Variants in ANKRD11 observed in about 807,000 individuals in gnomAD.
ANKRD11 encodes the protein ankyrin repeat domain 11.
ANKRD11 carries 17 observed loss-of-function variants against 195.7 expected under a neutral mutation model. The ratio of observed to expected loss-of-function variants is 0.09; its 90% CI spans 0.06 to 0.13. The LOEUF is 0.13. Ranked by LOEUF, ANKRD11 falls within the 10% of genes least tolerant of loss-of-function variation. The pLI, the probability that ANKRD11 is intolerant of heterozygous loss-of-function variation, is 1.00. For synonymous variants in ANKRD11, 1,953 were observed against 1,528.1 expected (o/e 1.28, Z -6.49); for missense variants, 3,735 against 3,566.1 (o/e 1.05, Z -1.21).
intron 4 of ANKRD11, among the ~76,000 whole-genome samples, chr16:89,292,732 G>A (rs1247681674): frequency 6.6e-6 from 1 of 152,228 alleles, no homozygotes; most frequent in Admixed American, 6.5e-5. Context: ...CATAGAACCT[G>A]GCAAACACGG....
At chr16:89,419,772 G>A (rs1478047569) in intron 1 of ANKRD11, among the ~76,000 whole-genome samples, 1 of 150,606 alleles carries the variant, frequency 6.6e-6, no homozygotes, top group Non-Finnish European at 1.5e-5. Flanking sequence ...TTGCAAAGAT[G>A]GAGTGAGGTT....
rs1337062402 is a variant in ANKRD11 at position 89,283,469 on chromosome 16, G to T, written c.3073C>A (p.Pro1025Thr). The change falls in exon 9 of 13, where the codon CCA becomes ACA. Residue 1025 changes from proline (P) to threonine (T), a missense_variant. Physicochemically the swap from Pro to Thr is conservative, Grantham distance 38. Coordinates refer to ENST00000301030, the MANE Select transcript of ANKRD11 (RefSeq NM_013275.6). This position sits in a 1 kb window ranked among gnomAD's most constrained non-coding sequence, Gnocchi z 4.3. ...CTGGATTTCTCTTTGTATCTTTCTG[G>T]TTTTGTCTTCTCCTTCCTTTCCTTA... ...PDKERKEKTK[P>T]ERYKEKSSDK... 6.2e-7 allele frequency: 1 copy of T among 1,613,860 alleles called. No individual in the cohort carries two copies. The highest frequency in any genetic ancestry group is 1.3e-5 in the African/African-American group (1 of 74,874).
Position 89,280,490 on chromosome 16 carries a change from GGGCGGGGT to G in ANKRD11, c.6044_6051del (p.Tyr2015SerfsTer14). ...GCGTACGGGGCAGGAGAGGCGGGAG[GGGCGGGGT>G]ACGGCGCCTCCGAGGCGCTGAAGGG... On this transcript the variant is annotated frameshift_variant, in exon 9 of 13. Coordinates refer to ENST00000301030, the MANE Select transcript of ANKRD11 (RefSeq NM_013275.6). LOFTEE classifies it high-confidence loss of function. The G allele has an allele frequency of 6.3e-7, 1 of 1,587,094 alleles. No individual in the cohort carries two copies. The highest frequency in any genetic ancestry group is 1.1e-5 in the South Asian group (1 of 89,098).
chr16:89,413,165 A>C (rs1268112527), intron 2 of ANKRD11, among the ~76,000 whole-genome samples: 1 of 152,250 alleles, frequency 6.6e-6, no homozygotes, highest in African/African-American at 2.4e-5. Flanking sequence ...AAGTTACTGC[A>C]GTTTAAAGAT....
intron 2 of ANKRD11, among the ~76,000 whole-genome samples, chr16:89,403,183 C>T (rs1470676300): frequency 6.6e-6 from 1 of 152,168 alleles, no homozygotes; most frequent in Non-Finnish European, 1.5e-5. Flanking sequence ...GCAGGTGGAC[C>T]CCGCACTCCC....
rs761636251 is a variant in ANKRD11 at position 89,286,064 on chromosome 16, G to A, written c.867C>T (p.Tyr289=). ...CCGTCGAGCTCTCCTCGCTGGAAGTGTAAGTGCCTTTGCCTAACAGGAGGT... is the reference window on the plus strand; with the variant it reads ...CCGTCGAGCTCTCCTCGCTGGAAGTATAAGTGCCTTTGCCTAACAGGAGGT... ...MVNLLLGKGT[Y]TSSEESSTES... is the part of the protein sequence containing the mutation. The change falls in exon 8 of 13, where the codon TAC becomes TAT. Residue 289 remains tyrosine, a synonymous_variant. Transcript: ENST00000301030. 8.7e-6 allele frequency: 14 copies of A among 1,614,124 alleles called. No individual in the cohort carries two copies. Among genetic ancestry groups the A allele is most frequent in the Non-Finnish European group, 1.1e-5 (13 of 1,180,054 alleles).
chr16:89,381,495 T>C (rs970748788), intron 2 of ANKRD11, among the ~76,000 whole-genome samples: 1 of 152,116 alleles, frequency 6.6e-6, no homozygotes, highest in Non-Finnish European at 1.5e-5. Context: ...CATTAAATCA[T>C]CAATAAAAAG....
chr16:89,441,354 TAC>T (rs2043456190), intron 1 of ANKRD11, among the ~76,000 whole-genome samples: 1 of 152,186 alleles, frequency 6.6e-6, no homozygotes, highest in Non-Finnish European at 1.5e-5. Context: ...CAGGCTCTCT[TAC>T]ACAGACTCTA....
chr16:89,284,866 C>A lies in ANKRD11; in HGVS notation c.1676G>T (p.Trp559Leu). The change falls in exon 9 of 13, where the codon TGG becomes TTG. Residue 559 changes from tryptophan to leucine, a missense_variant. By Grantham distance (61) the Trp-to-Leu change is moderately conservative. Transcript: ENST00000301030. ...DNWKTISSPAWSEVSSLSDST... is the reference protein window; with the variant it reads ...DNWKTISSPALSEVSSLSDST... Reference sequence around the variant, plus strand: ...GTCTGATAAAGAACTGACCTCTGACCAAGCCGGGGAAGAAATGGTTTTCCA... The same window carrying A: ...GTCTGATAAAGAACTGACCTCTGACAAAGCCGGGGAAGAAATGGTTTTCCA... 4 of 1,614,030 alleles carry A rather than the reference C, an allele frequency of 2.5e-6. No homozygotes were observed. Among genetic ancestry groups the A allele is most frequent in the Non-Finnish European group, 3.4e-6 (4 of 1,180,038 alleles).
intron 1 of ANKRD11, among the ~76,000 whole-genome samples, chr16:89,453,983 T>TC (rs2056314323): frequency 6.6e-6 from 1 of 152,114 alleles, no homozygotes; most frequent in Non-Finnish European, 1.5e-5. Flanking sequence ...CCTCGGGAGT[T>TC]CCCAAGACTG....
chr16:89,489,377 C>CACCGCT (rs1473556091), intron 1 of ANKRD11, among the ~76,000 whole-genome samples: 4 of 151,692 alleles, frequency 2.6e-5, no homozygotes, highest in African/African-American at 9.7e-5. Context: ...CCGCCACCGC[C>CACCGCT]ACCGCTTTCC....
chr16:89,341,240 C>A (rs1347075008), intron 2 of ANKRD11, among the ~76,000 whole-genome samples: 1 of 152,196 alleles, frequency 6.6e-6, no homozygotes, highest in Non-Finnish European at 1.5e-5. Flanking sequence ...TCATGGCAAG[C>A]AGACCCGGTT....
Position 89,467,160 on chromosome 16 carries a change from G to A in ANKRD11, c.-145+23085C>T, listed in dbSNP as rs372485194. ...CACAAGCTGCAATCAGGCCAGGAGCGGCGGCTCATGTCTATAATCCCAGAA... is the reference window on the plus strand; with the variant it reads ...CACAAGCTGCAATCAGGCCAGGAGCAGCGGCTCATGTCTATAATCCCAGAA... On this transcript the variant is annotated intron_variant, in intron 1 of 12. Transcript: ENST00000301030. Among the ~76,000 whole-genome samples, 42 of 152,270 alleles carry A rather than the reference G, an allele frequency of 2.8e-4. 2 individuals carry two copies. The East Asian group carries it at 2.9e-3, about 10-fold the overall frequency.
At chr16:89,431,581 C>A (rs759415654) in intron 1 of ANKRD11, among the ~76,000 whole-genome samples, 21 of 152,172 alleles carry the variant, frequency 1.4e-4, no homozygotes, top group Non-Finnish European at 2.2e-4. Context: ...TCCACCCCAC[C>A]ATTCCCGGTT....
At chr16:89,347,732 T>C (rs1005891728) in intron 2 of ANKRD11, among the ~76,000 whole-genome samples, 4 of 152,200 alleles carry the variant, frequency 2.6e-5, no homozygotes, top group African/African-American at 7.2e-5. Context: ...TAATAAAGGT[T>C]ACTTTTTAAA....
intron 2 of ANKRD11, among the ~76,000 whole-genome samples, chr16:89,394,381 C>T (rs934533587): frequency 6.6e-6 from 1 of 152,240 alleles, no homozygotes; most frequent in African/African-American, 2.4e-5. Context: ...GTAATCCCAG[C>T]ACTTTGGGAG....
Position 89,280,372 on chromosome 16 carries a change from G to A in ANKRD11, c.6170C>T (p.Ala2057Val), listed in dbSNP as rs760134096. Residue 2057 changes from alanine to valine, a missense_variant, in exon 9 of 13, where the codon GCC (alanine) becomes GTC (valine). Ala to Val is a moderately conservative substitution (Grantham distance 64). Coordinates refer to ENST00000301030, the MANE Select transcript of ANKRD11 (RefSeq NM_013275.6). ...AISTSEAAPYAPPSGLESFFS... is the reference protein window; with the variant it reads ...AISTSEAAPYVPPSGLESFFS... ...GAAGGACTCCAGCCCGGAGGGAGGG[G>A]CGTAGGGAGCCGCCTCTGAGGTGGA... The A allele has an allele frequency of 8.9e-6, 14 of 1,564,626 alleles. No homozygotes were observed. The highest frequency in any genetic ancestry group is 1.2e-5 in the Non-Finnish European group (14 of 1,156,234).
chr16:89,283,365 T>C lies in ANKRD11; in HGVS notation c.3177A>G (p.Lys1059=), dbSNP rs1405463142. The C allele has an allele frequency of 6.2e-7, 1 of 1,613,890 alleles. No homozygotes were observed. Among genetic ancestry groups the C allele is most frequent in the Non-Finnish European group, 8.5e-7 (1 of 1,180,036 alleles). The part of the protein sequence containing the change: ...DKEFDKCFKE[K]KDTKEKHKDT... ...CTTTATGTTTTTCCTTGGTATCTTTTTTCTCTTTAAAACATTTATCAAATT... is the reference window on the plus strand; with the variant it reads ...CTTTATGTTTTTCCTTGGTATCTTTCTTCTCTTTAAAACATTTATCAAATT... Residue 1059 remains lysine, a synonymous_variant, in exon 9 of 13, where the codon AAA becomes AAG. Transcript: ENST00000301030. The surrounding 1 kb of genome is among the most constrained non-coding windows in gnomAD (Gnocchi z 4.3).
rs371495861 is a variant in ANKRD11 at position 89,383,261 on chromosome 16, C to T, written c.-60+35023G>A. ...CAGCTGGCTGAAAGCTCAAGATAACCGGCTCTGCCAGAAGCACTGCCATTA... is the reference window on the plus strand; with the variant it reads ...CAGCTGGCTGAAAGCTCAAGATAACTGGCTCTGCCAGAAGCACTGCCATTA... On this transcript the variant is annotated intron_variant, in intron 2 of 12. Coordinates refer to ENST00000301030, the MANE Select transcript of ANKRD11 (RefSeq NM_013275.6). Among the ~76,000 whole-genome samples the T allele has an allele frequency of 3.6e-4, 55 of 152,284 alleles. No homozygotes were observed. The East Asian group carries it at 9.5e-3, about 26-fold the overall frequency.
Sources: gnomAD v4.1 joint callset for allele counts (sites outside exome capture counted in the v4.1 genomes callset) on GRCh38, gnomAD v4.1.1 for gene constraint, Gnocchi (gnomAD v3.1) non-coding constraint, MANE v1.5 for transcripts, NCBI Gene and HGNC (gene_info 2026-07-23, HGNC 2026-07-21) for gene names.